GALNTL6: variants seen among roughly 807,000 people sequenced by gnomAD.
The protein encoded by GALNTL6 is polypeptide N-acetylgalactosaminyltransferase like 6.
Under a neutral mutation model 73.7 loss-of-function variants are expected in GALNTL6, and 46 were observed. The ratio of observed to expected loss-of-function variants is 0.62; its 90% CI spans 0.49 to 0.80. GALNTL6 has a LOEUF of 0.80. Ranked by LOEUF, GALNTL6 falls within the 30% of genes least tolerant of loss-of-function variation. The probability of loss-of-function intolerance (pLI) is 0.00; values close to 1 mark genes in which losing one functional copy is unlikely to be tolerated. For missense variants in GALNTL6, 604 were observed against 755.0 expected (o/e 0.80, Z 2.34); for synonymous variants, 259 against 263.7 (o/e 0.98, Z 0.17).
intron 7 of GALNTL6, among the ~76,000 whole-genome samples, chr4:172,827,302 C>T (rs1263099272): frequency 1.3e-5 from 2 of 152,200 alleles, no homozygotes; most frequent in Admixed American, 6.5e-5. Flanking sequence ...TTTCAACTCT[C>T]ATCTGGTCCC....
intron 2 of GALNTL6, among the ~76,000 whole-genome samples, chr4:171,946,518 C>G (rs546775153): frequency 6.6e-5 from 10 of 152,290 alleles, no homozygotes; most frequent in African/African-American, 2.2e-4. Context: ...GTCTCTTGCT[C>G]TGAGCTGCGT....
intron 2 of GALNTL6, among the ~76,000 whole-genome samples, chr4:171,869,404 G>A (rs1736072161): frequency 6.6e-6 from 1 of 151,972 alleles, no homozygotes. Flanking sequence ...GACTTCTTTT[G>A]CAGCTTTTTT....
chr4:172,351,917 T>C (rs1445025747), intron 5 of GALNTL6, among the ~76,000 whole-genome samples: 1 of 152,100 alleles, frequency 6.6e-6, no homozygotes, highest in African/African-American at 2.4e-5. Flanking sequence ...GCACTAAACT[T>C]TAACAAGACT....
chr4:171,819,442 T>C (rs952627302), intron 2 of GALNTL6, among the ~76,000 whole-genome samples: 2 of 152,218 alleles, frequency 1.3e-5, no homozygotes, highest in Non-Finnish European at 2.9e-5. Context: ...TATTCATTTC[T>C]GAGTTGGACA....
intron 5 of GALNTL6, among the ~76,000 whole-genome samples, chr4:172,718,507 G>A (rs1204506534): frequency 6.6e-6 from 1 of 151,974 alleles, no homozygotes; most frequent in East Asian, 1.9e-4. Context: ...GTATGGTGGT[G>A]TGTGTCTGTG....
At chr4:172,808,940 A>G (rs1741130596) in intron 5 of GALNTL6, among the ~76,000 whole-genome samples, 1 of 152,196 alleles carries the variant, frequency 6.6e-6, no homozygotes, top group African/African-American at 2.4e-5. Flanking sequence ...TTTTACATAT[A>G]TTATTTTCAA....
chr4:172,111,858 T>TA (rs1270957092), intron 2 of GALNTL6, among the ~76,000 whole-genome samples: 1 of 151,998 alleles, frequency 6.6e-6, no homozygotes, highest in Non-Finnish European at 1.5e-5. Context: ...ACTCAACTCT[T>TA]ACATTATCAT....
At chr4:172,476,988 G>C (rs1377981243) in intron 5 of GALNTL6, among the ~76,000 whole-genome samples, 1 of 141,260 alleles carries the variant, frequency 7.1e-6, no homozygotes, top group South Asian at 2.2e-4. Flanking sequence ...GCAGTGGCAC[G>C]ATCTCGGCTC....
At chr4:172,903,758 A>C (rs1419543301) in intron 8 of GALNTL6, among the ~76,000 whole-genome samples, 1 of 152,162 alleles carries the variant, frequency 6.6e-6, no homozygotes, top group African/African-American at 2.4e-5. Flanking sequence ...AAGCAATCTT[A>C]ATGCAGTAAT....
At chr4:172,396,296 T>A (rs1743846514) in intron 5 of GALNTL6, among the ~76,000 whole-genome samples, 1 of 136,956 alleles carries the variant, frequency 7.3e-6, no homozygotes, top group African/African-American at 2.7e-5. Context: ...GTAACTGCAA[T>A]TACTATTTTC....
intron 12 of GALNTL6, among the ~76,000 whole-genome samples, chr4:173,037,860 C>T (rs928325483): frequency 2.0e-5 from 3 of 151,948 alleles, no homozygotes; most frequent in African/African-American, 4.8e-5. Context: ...CTCCTGCCTC[C>T]GCCTCCCACG....
intron 5 of GALNTL6, among the ~76,000 whole-genome samples, chr4:172,596,860 C>A (rs1737875234): frequency 6.6e-6 from 1 of 152,030 alleles, no homozygotes; most frequent in African/African-American, 2.4e-5. Context: ...TTCAAACTTA[C>A]TATGTAGAAT....
intron 5 of GALNTL6, among the ~76,000 whole-genome samples, chr4:172,740,195 A>G (rs1470230244): frequency 6.6e-6 from 1 of 152,102 alleles, no homozygotes; most frequent in African/African-American, 2.4e-5. Context: ...CTTCACTTCC[A>G]CATTGACCAA....
chr4:172,232,606 A>G (rs1280407169), intron 3 of GALNTL6, among the ~76,000 whole-genome samples: 7 of 152,106 alleles, frequency 4.6e-5, no homozygotes, highest in African/African-American at 1.7e-4. Context: ...GGTCATGACA[A>G]GCTGCCAAAA....
In GALNTL6 at chr4:171,868,384, C is replaced by G. The variant is rs12499522; in HGVS notation, c.138+53666C>G. 2.0e-5 allele frequency among the ~76,000 whole-genome samples: 3 copies of G among 152,004 alleles called. No homozygotes were observed. The East Asian group carries it at 5.8e-4, about 30-fold the overall frequency. On this transcript the variant is annotated intron_variant, in intron 2 of 12. Transcript: ENST00000506823. ...ATTCGCGTCTGTAAACAATAGATATCTCTTTTATTCTTTCATTCCAAACTC... is the reference window on the plus strand; with the variant it reads ...ATTCGCGTCTGTAAACAATAGATATGTCTTTTATTCTTTCATTCCAAACTC...
chr4:172,189,019 T>C (rs1353847716), intron 2 of GALNTL6, among the ~76,000 whole-genome samples: 1 of 152,226 alleles, frequency 6.6e-6, no homozygotes, highest in Non-Finnish European at 1.5e-5. Context: ...AGCAGTATTA[T>C]CACCAAAAGC....
At chr4:172,303,649 T>C (rs546968504) in intron 3 of GALNTL6, among the ~76,000 whole-genome samples, 3 of 152,238 alleles carry the variant, frequency 2.0e-5, no homozygotes, top group Admixed American at 6.5e-5. Context: ...GATTAACATA[T>C]GTATTATCTC....
Position 171,929,039 on chromosome 4 carries a change from G to C in GALNTL6, c.138+114321G>C, listed in dbSNP as rs144432912. Among the ~76,000 whole-genome samples the C allele has an allele frequency of 1.7e-3, 263 of 152,086 alleles. 2 individuals carry two copies. Among genetic ancestry groups the C allele is most frequent in the Admixed American group, 0.012 (180 of 15,270 alleles). On this transcript the variant is annotated intron_variant, in intron 2 of 12. Transcript: ENST00000506823. ...TTTTTATGAAAAATTTACTATCACA[G>C]AATATCATTTGCCACTTCATTTTAC...
At chr4:172,124,811 C>T (rs1253928898) in intron 2 of GALNTL6, among the ~76,000 whole-genome samples, 2 of 151,932 alleles carry the variant, frequency 1.3e-5, no homozygotes, top group East Asian at 1.9e-4. Context: ...ACATAATACA[C>T]AGGAATGTAA....
Sources: gnomAD v4.1 joint callset for allele counts (sites outside exome capture counted in the v4.1 genomes callset) on GRCh38, gnomAD v4.1.1 for gene constraint, MANE v1.5 for transcripts, NCBI Gene and HGNC (gene_info 2026-07-23, HGNC 2026-07-21) for gene names.